The following SEMA3G variants were observed in gnomAD, a reference collection of about 807,000 sequenced individuals.
SEMA3G encodes the protein semaphorin 3G.
Under a neutral mutation model 86.2 loss-of-function variants are expected in SEMA3G, and 70 were observed. The observed-to-expected ratio is 0.81, with a 90% CI of 0.67 to 0.99. SEMA3G has a LOEUF of 0.99. Ranked by LOEUF, SEMA3G falls within the 50% of genes least tolerant of loss-of-function variation. The pLI is 0.00. For missense variants in SEMA3G, 1,002 were observed against 1,072.4 expected (o/e 0.93, Z 0.92); for synonymous variants, 416 against 441.4 (o/e 0.94, Z 0.72).
In SEMA3G at chr3:52,434,382, T is replaced by C. The variant is rs1706004959; in HGVS notation, c.*1221A>G. ...GGACTTACACTTCTTCGTCCTTTTC[T>C]CTACCTTGTTTCCCCCTTAAAAGAA... is the stretch of plus-strand genomic sequence containing the variant. On this transcript the variant is annotated 3_prime_UTR_variant, in exon 16 of 16. Transcript: ENST00000231721. This position sits in a 1 kb window ranked among gnomAD's most constrained non-coding sequence, Gnocchi z 5.2. The C allele has an allele frequency of 6.6e-6, 1 of 152,016 alleles. No homozygotes were observed. The highest frequency in any genetic ancestry group is 6.6e-5 in the Admixed American group (1 of 15,266). 9.4% of individuals were successfully genotyped at this position (152,016 alleles called of 1,614,324 possible). A position where few individuals can be genotyped will look rare whatever the true frequency, so the allele number is the denominator to read the frequency against.
intron 11 of SEMA3G, 35 bp downstream of exon 11, chr3:52,439,832 T>C (rs1706111738): frequency 5.0e-6 from 8 of 1,610,660 alleles, no homozygotes; most frequent in Non-Finnish European, 6.8e-6. Flanking sequence ...CCCACACCCC[T>C]CTCCAGCCTG....
At chr3:52,438,297 G>T in intron 13 of SEMA3G, 98 bp from the exon 14 acceptor site, 1 of 1,419,486 alleles carries the variant, frequency 7.0e-7, no homozygotes, top group Non-Finnish European at 9.7e-7. Context: ...CCTGCCACTT[G>T]CAGGAAGTCT....
intron 1 of SEMA3G, chr3:52,443,124 T>G: frequency 4.6e-6 from 6 of 1,298,942 alleles, no homozygotes; most frequent in Non-Finnish European, 6.4e-6. Context: ...CAGCCTACCC[T>G]GGGGCCTACC....
At position 52,435,573 on chromosome 3, in the gene SEMA3G, C is replaced by T; in HGVS notation, c.*30G>A. Reference sequence around the variant, plus strand: ...GGGGGCTGCTAGTGGGCCCCCCAGCCCATCCTGACCACCCCTCCTCTGCCC... The same window carrying T: ...GGGGGCTGCTAGTGGGCCCCCCAGCTCATCCTGACCACCCCTCCTCTGCCC... On this transcript the variant is annotated 3_prime_UTR_variant, in exon 16 of 16. Coordinates refer to ENST00000231721, the MANE Select transcript of SEMA3G (RefSeq NM_020163.3). The T allele has an allele frequency of 6.3e-7, 1 of 1,584,878 alleles. No homozygotes were observed. Among genetic ancestry groups the T allele is most frequent in the South Asian group, 1.1e-5 (1 of 87,586 alleles).
intron 5 of SEMA3G, 41 bp from the exon 6 acceptor site, chr3:52,441,731 C>A (rs1706161292): frequency 6.3e-7 from 1 of 1,594,170 alleles, no homozygotes; most frequent in African/African-American, 1.3e-5. Flanking sequence ...GGAGGAGGCC[C>A]AGGCCCAGCA....
At position 52,438,383 on chromosome 3, in the gene SEMA3G, G is replaced by A. The variant is rs114054027; in HGVS notation, c.1510-184C>T. On this transcript the variant is annotated intron_variant, in intron 13 of 15. Coordinates refer to ENST00000231721, the MANE Select transcript of SEMA3G (RefSeq NM_020163.3). The stretch of plus-strand genomic sequence containing the variant: ...CTGCTGCATACCAGATTCTGTGCCA[G>A]GACACAGAAGGGATGGAGGAGAACC... The A allele has an allele frequency of 3.2e-3, 3,059 of 969,236 alleles. 4 individuals are homozygous for A. Among genetic ancestry groups the A allele is most frequent in the Non-Finnish European group, 3.6e-3 (2,973 of 815,230 alleles). 60.0% of individuals were successfully genotyped at this position (969,236 alleles called of 1,614,324 possible). A position where few individuals can be genotyped will look rare whatever the true frequency, so the allele number is the denominator to read the frequency against.
chr3:52,437,815 C>T, intron 14 of SEMA3G, 149 bp from the exon 15 acceptor site: 1 of 1,142,602 alleles, frequency 8.8e-7, no homozygotes, highest in Non-Finnish European at 1.3e-6. Context: ...GTCCAAAGAC[C>T]CTGCTTCCAT....
chr3:52,442,305 C>T lies in SEMA3G; in HGVS notation c.340-1G>A. 6.2e-7 allele frequency: 1 copy of T among 1,612,360 alleles called. No homozygotes were observed. The highest frequency in any genetic ancestry group is 8.5e-7 in the Non-Finnish European group (1 of 1,179,592). On this transcript the variant is annotated splice_acceptor_variant, in intron 3 of 15. Coordinates refer to ENST00000231721, the MANE Select transcript of SEMA3G (RefSeq NM_020163.3). LOFTEE classifies it high-confidence loss of function. This position sits in a 1 kb window ranked among gnomAD's most constrained non-coding sequence, Gnocchi z 6.1. ...CCCGCACGAAGTTGGCGCACTCTGT[C>T]TGCGGGGAGAAGGAGGGGGTGGTTG...
chr3:52,438,767 GC>G (rs1368034991), intron 13 of SEMA3G, 152 bp downstream of exon 13: 1 of 985,334 alleles, frequency 1.0e-6, no homozygotes, highest in African/African-American at 1.7e-5. Flanking sequence ...GTGCCCACTG[GC>G]CACTTGTTGC....
Position 52,435,305 on chromosome 3 carries a change from G to A in SEMA3G, c.*298C>T, listed in dbSNP as rs867767065. The A allele has an allele frequency of 3.2e-4, 146 of 455,344 alleles. No homozygotes were observed. The highest frequency in any genetic ancestry group is 4.3e-4 in the Admixed American group (11 of 25,752). 28.2% of individuals were successfully genotyped at this position (455,344 alleles called of 1,614,324 possible). A position where few individuals can be genotyped will look rare whatever the true frequency, so the allele number is the denominator to read the frequency against. On this transcript the variant is annotated 3_prime_UTR_variant, in exon 16 of 16. Transcript: ENST00000231721. ...AACCCTCTTGCCTCTGGGCACACCC[G>A]GAAATGTGTTGCGGAAGCCAGGCCA...
chr3:52,440,760 G>T lies in SEMA3G; in HGVS notation c.992C>A (p.Thr331Asn). Residue 331 changes from threonine to asparagine, a missense_variant, in exon 9 of 16, where the codon ACC becomes AAC. Transcript: ENST00000231721. ...KSLEVYALFS[T>N]VSAVFQGFAV... Reference sequence around the variant, plus strand: ...GGGTGCTGGGTGTGCCCACCTGACGGTGCTGAACAGCGCGTACACCTCGAG... The same window carrying T: ...GGGTGCTGGGTGTGCCCACCTGACGTTGCTGAACAGCGCGTACACCTCGAG... 6.2e-7 allele frequency: 1 copy of T among 1,612,886 alleles called. No individual in the cohort carries two copies. Among genetic ancestry groups the T allele is most frequent in the Non-Finnish European group, 8.5e-7 (1 of 1,179,834 alleles).
At chr3:52,441,711 C>G (rs1706160696) in intron 5 of SEMA3G, 21 bp from the exon 6 acceptor site, 2 of 1,608,086 alleles carry the variant, frequency 1.2e-6, no homozygotes, top group South Asian at 2.2e-5. Flanking sequence ...GGTTGGGGAA[C>G]AGAGTCAGGG....
In SEMA3G at chr3:52,438,090, C is replaced by T. The variant is rs1200131640; in HGVS notation, c.1619G>A (p.Cys540Tyr). 6.2e-7 allele frequency: 1 copy of T among 1,613,168 alleles called. No individual in the cohort carries two copies. Among genetic ancestry groups the T allele is most frequent in the Non-Finnish European group, 8.5e-7 (1 of 1,180,038 alleles). ...AECCLARDPY[C>Y]AWDGASCTHY... Reference sequence around the variant, plus strand: ...GGTACAGGAGGCACCATCCCAGGCACAGTATGGGTCCCGGGCCAGGCAGCA... The same window carrying T: ...GGTACAGGAGGCACCATCCCAGGCATAGTATGGGTCCCGGGCCAGGCAGCA... The change falls in exon 14 of 16, where the codon TGT (cysteine) becomes TAT (tyrosine). Residue 540 changes from cysteine to tyrosine, a missense_variant. Transcript: ENST00000231721.
Position 52,441,428 on chromosome 3 carries a change from C to A in SEMA3G, c.668-19G>T. The A allele has an allele frequency of 1.2e-6, 2 of 1,611,438 alleles. No homozygotes were observed. The highest frequency in any genetic ancestry group is 2.2e-5 in the South Asian group (2 of 90,800). ...CGGGGGTCTGGAAGGGTGACAGGGTCATGCTGGGTGGAGGGGCCCCACAGG... is the reference window on the plus strand; with the variant it reads ...CGGGGGTCTGGAAGGGTGACAGGGTAATGCTGGGTGGAGGGGCCCCACAGG... On this transcript the variant is annotated intron_variant, in intron 6 of 15. Coordinates refer to ENST00000231721, the MANE Select transcript of SEMA3G (RefSeq NM_020163.3).
Position 52,437,983 on chromosome 3 carries a change from G to A in SEMA3G, c.1726C>T (p.Gln576Ter). The A allele has an allele frequency of 6.2e-7, 1 of 1,612,222 alleles. No homozygotes were observed. Among genetic ancestry groups the A allele is most frequent in the Non-Finnish European group, 8.5e-7 (1 of 1,179,684 alleles). ...TGCCACCACTCACCTTCCTGGCTCT[G>A]GCCCAGGCACTGCAGGGCAGGGTTG... ...HGNPALQCLG[Q>*]SQEEEAVGLV... is the part of the protein sequence containing the mutation. Residue 576 changes from glutamine (Q) to a stop codon, truncating the protein, a stop_gained, in exon 14 of 16, where the codon CAG becomes TAG. Transcript: ENST00000231721. LOFTEE classifies it high-confidence loss of function.
rs780501064 is a variant in SEMA3G at position 52,436,048 on chromosome 3, TGCA to T, written c.1901_1903del (p.Leu634_His635delinsTyr). ...GCGGAACAGCAGCCCCCGCTCCGTG[TGCA>T]AGACTCGCTCGTCCGTCTTCACCTG... On this transcript the variant is annotated inframe_deletion, in exon 16 of 16. Transcript: ENST00000231721. The T allele has an allele frequency of 6.2e-7, 1 of 1,611,508 alleles. No homozygotes were observed. Among genetic ancestry groups the T allele is most frequent in the Non-Finnish European group, 8.5e-7 (1 of 1,178,632 alleles).
intron 13 of SEMA3G, chr3:52,438,538 T>A: frequency 2.0e-6 from 2 of 985,484 alleles, no homozygotes; most frequent in Non-Finnish European, 2.4e-6. Flanking sequence ...TAAGCAACCC[T>A]TGCACGAAAG....
In SEMA3G at chr3:52,435,760, C is replaced by G; in HGVS notation, c.2192G>C (p.Cys731Ser). ...RVDEYCERVW[C>S]RGTTECSGCF... ...GCCTGAGCATTCCGTGGTGCCCCTG[C>G]ACCACACGCGCTCACAGTACTCATC... Residue 731 changes from cysteine to serine, a missense_variant, in exon 16 of 16, where the codon TGC (cysteine) becomes TCC (serine). Coordinates refer to ENST00000231721, the MANE Select transcript of SEMA3G (RefSeq NM_020163.3). The G allele has an allele frequency of 6.2e-7, 1 of 1,614,118 alleles. No homozygotes were observed. Among genetic ancestry groups the G allele is most frequent in the Non-Finnish European group, 8.5e-7 (1 of 1,180,038 alleles).
chr3:52,441,309 A>C lies in SEMA3G; in HGVS notation c.768T>G (p.Gly256=). The change falls in exon 7 of 16, where the codon GGT becomes GGG. Residue 256 remains glycine (G), a synonymous_variant. Coordinates refer to ENST00000231721, the MANE Select transcript of SEMA3G (RefSeq NM_020163.3). ...GGCTGACAGTGACATGGTTCGAGCC[A>C]CCATCGGGCGAGGGGACCGTCTCCG... ...FFSETVPSPD[G]GSNHVTVSRV... is the part of the protein sequence containing the mutation. The C allele has an allele frequency of 2.5e-6, 4 of 1,613,688 alleles. No individual in the cohort carries two copies. The highest frequency in any genetic ancestry group is 3.4e-6 in the Non-Finnish European group (4 of 1,180,032).
Sources: allele counts gnomAD v4.1 joint callset, GRCh38; gene constraint gnomAD v4.1.1; non-coding constraint Gnocchi (gnomAD v3.1); transcripts MANE v1.5; gene names NCBI Gene and HGNC (gene_info 2026-07-23, HGNC 2026-07-21).